The following CCDC63 variants were observed in gnomAD, a reference collection of about 807,000 sequenced individuals.
CCDC63 encodes coiled-coil domain containing 63, also known as coiled-coil domain-containing protein 63.
Under a neutral mutation model 63.6 loss-of-function variants are expected in CCDC63, and 54 were observed. The ratio of observed to expected loss-of-function variants is 0.85; its 90% CI spans 0.68 to 1.07. The LOEUF (loss-of-function observed/expected upper bound fraction) is 1.07. Among genes scored for constraint, CCDC63 ranks in the 50% least tolerant of loss-of-function variants. CCDC63 has a pLI of 0.00. For missense variants in CCDC63, 637 were observed against 689.6 expected (o/e 0.92, Z 0.86); for synonymous variants, 253 against 266.1 (o/e 0.95, Z 0.48).
At chr12:110,860,748 C>T (rs2070842767) in intron 4 of CCDC63, among the ~76,000 whole-genome samples, 2 of 152,052 alleles carry the variant, frequency 1.3e-5, no homozygotes, top group African/African-American at 2.4e-5. Context: ...CACCCCCACG[C>T]CCACCTAATT....
At chr12:110,850,894 G>A (rs7973272) in intron 1 of CCDC63, among the ~76,000 whole-genome samples, 84,007 of 151,968 alleles carry the variant, frequency 0.55, 24,139 homozygotes, top group East Asian at 0.64. Context: ...CCCTTTGCCC[G>A]AGCAGTTCTC....
At chr12:110,876,336 T>A (rs910011831) in intron 5 of CCDC63, among the ~76,000 whole-genome samples, 3 of 151,928 alleles carry the variant, frequency 2.0e-5, no homozygotes. Flanking sequence ...CAAGAGGAAG[T>A]GGAGGATGCA....
At chr12:110,898,006 G>A (rs570441660) in intron 9 of CCDC63, among the ~76,000 whole-genome samples, 2 of 152,260 alleles carry the variant, frequency 1.3e-5, no homozygotes, top group Admixed American at 1.3e-4. Context: ...AACTGGCTGA[G>A]CGAGGTGGCT....
intron 4 of CCDC63, among the ~76,000 whole-genome samples, chr12:110,863,727 G>T (rs2070896814): frequency 6.6e-6 from 1 of 152,032 alleles, no homozygotes; most frequent in African/African-American, 2.4e-5. Flanking sequence ...TTTTAGTAGA[G>T]ATGGGGTTTC....
At chr12:110,905,199 C>G (rs375204258) in intron 11 of CCDC63, among the ~76,000 whole-genome samples, 2 of 152,092 alleles carry the variant, frequency 1.3e-5, no homozygotes, top group Admixed American at 6.6e-5. Flanking sequence ...TATGACCACC[C>G]TTTCCCTGAC....
At chr12:110,872,239 G>C (rs2071077054) in intron 4 of CCDC63, among the ~76,000 whole-genome samples, 1 of 152,164 alleles carries the variant, frequency 6.6e-6, no homozygotes, top group South Asian at 2.1e-4. Context: ...GGCAGCCATA[G>C]ACAATACATA....
intron 4 of CCDC63, among the ~76,000 whole-genome samples, chr12:110,866,095 A>T (rs1028876244): frequency 2.6e-5 from 4 of 152,102 alleles, no homozygotes; most frequent in Non-Finnish European, 1.5e-5. Context: ...CTCATGCCTC[A>T]GCCTGCCAAG....
chr12:110,880,416 A>G (rs1190761430), intron 6 of CCDC63, among the ~76,000 whole-genome samples: 2 of 152,086 alleles, frequency 1.3e-5, no homozygotes, highest in African/African-American at 2.4e-5. Context: ...GTGCTGTACC[A>G]TCTCCTCCAA....
chr12:110,867,344 T>C (rs61940980), intron 4 of CCDC63, among the ~76,000 whole-genome samples: 7,554 of 53,070 alleles, frequency 0.14, 172 homozygotes, highest in Admixed American at 0.19. Flanking sequence ...GCTGGCCGGG[T>C]GGAGGGCTGA....
chr12:110,864,718 A>AG (rs960444288), intron 4 of CCDC63, among the ~76,000 whole-genome samples: 6 of 152,084 alleles, frequency 3.9e-5, no homozygotes, highest in African/African-American at 1.4e-4. Flanking sequence ...AAAAAAAAAA[A>AG]AAAGAGAAAA....
chr12:110,899,090 G>C lies in CCDC63; in HGVS notation c.1307G>C (p.Gly436Ala). The change falls in exon 10 of 12, where the codon GGG (glycine) becomes GCG (alanine). Residue 436 changes from glycine to alanine, a missense_variant. Transcript: ENST00000308208. ...ATCCTGGTGCAGTTAGGGGAGACGG[G>C]GAAAGTCACTGACATCAACCTTCCG... ...TKILVQLGET[G>A]KVTDINLPQY... 7 of 1,613,112 alleles carry C rather than the reference G, an allele frequency of 4.3e-6. No individual in the cohort carries two copies. Among genetic ancestry groups the C allele is most frequent in the Non-Finnish European group, 5.9e-6 (7 of 1,179,602 alleles).
rs769090492 is a variant in CCDC63 at position 110,881,249 on chromosome 12, A to G, written c.806A>G (p.Lys269Arg). 2.5e-6 allele frequency: 4 copies of G among 1,613,924 alleles called. No homozygotes were observed. The highest frequency in any genetic ancestry group is 3.3e-5 in the Admixed American group (2 of 59,992). ...AAGCTCAAGTCCTTCCTGCTCGTCA[A>G]GCTGAATGATCGCAATGAATTCGAG... is the stretch of plus-strand genomic sequence containing the variant. The part of the protein sequence containing the change: ...ESKLKSFLLV[K>R]LNDRNEFEEQ... Residue 269 changes from lysine to arginine, a missense_variant, in exon 7 of 12, where the codon AAG (lysine) becomes AGG (arginine). By Grantham distance (26) the Lys-to-Arg change is conservative (BLOSUM62 2). Transcript: ENST00000308208.
At chr12:110,885,698 C>A (rs561130891) in intron 8 of CCDC63, among the ~76,000 whole-genome samples, 1 of 152,278 alleles carries the variant, frequency 6.6e-6, no homozygotes, top group African/African-American at 2.4e-5. Flanking sequence ...GTCGCCTCCT[C>A]TGGGAATTCA....
intron 7 of CCDC63, among the ~76,000 whole-genome samples, chr12:110,882,812 G>A (rs2071224695): frequency 6.6e-6 from 1 of 152,064 alleles, no homozygotes. Flanking sequence ...GCCACAACCT[G>A]TAAAAAGGTC....
intron 8 of CCDC63, among the ~76,000 whole-genome samples, chr12:110,888,859 T>TTCCC (rs2071322320): frequency 7.0e-6 from 1 of 143,842 alleles, no homozygotes; most frequent in African/African-American, 2.6e-5. Flanking sequence ...CCTTCCTTCC[T>TTCCC]TCGTTTTTCT....
rs183748433 is a variant in CCDC63 at position 110,906,070 on chromosome 12, T to A, written c.1547-1261T>A. ...TATAATATATATATAATATATATAC[T>A]TTTTTTTTGCCAGTAGTCCTCAGTC... On this transcript the variant is annotated intron_variant, in intron 11 of 11. Transcript: ENST00000308208. Among the ~76,000 whole-genome samples the A allele has an allele frequency of 8.1e-4, 78 of 96,654 alleles. 1 individual carries two copies. The highest frequency in any genetic ancestry group is 3.1e-3 in the African/African-American group (75 of 24,560). The allele number at this position is 96,654 out of a possible 152,430, so 63.4% of individuals were successfully genotyped here. A position where few individuals can be genotyped will look rare whatever the true frequency, so the allele number is the denominator to read the frequency against.
intron 5 of CCDC63, among the ~76,000 whole-genome samples, chr12:110,876,161 C>T (rs2071127404): frequency 6.6e-6 from 1 of 151,140 alleles, no homozygotes; most frequent in Non-Finnish European, 1.5e-5. Flanking sequence ...TTTGGGGTCT[C>T]AGAGTACCCC....
At chr12:110,867,904 T>C (rs1182175013) in intron 4 of CCDC63, among the ~76,000 whole-genome samples, 1 of 143,834 alleles carries the variant, frequency 7.0e-6, no homozygotes. Flanking sequence ...ATGGGGTGGC[T>C]GCCAGGCGGA....
At chr12:110,877,796 C>T (rs2071150092) in intron 5 of CCDC63, among the ~76,000 whole-genome samples, 1 of 151,476 alleles carries the variant, frequency 6.6e-6, no homozygotes, top group African/African-American at 2.4e-5. Context: ...ACCTCTGCCT[C>T]CCAGGTTCAA....
Sources: allele counts gnomAD v4.1 joint callset (sites outside exome capture counted in the v4.1 genomes callset), GRCh38; gene constraint gnomAD v4.1.1; transcripts MANE v1.5; gene names NCBI Gene and HGNC (gene_info 2026-07-23, HGNC 2026-07-21).